CCNB3: variants seen among roughly 807,000 people sequenced by gnomAD.
CCNB3 encodes cyclin B3, also known as G2/mitotic-specific cyclin-B3.
A neutral mutation model predicts 68.0 loss-of-function variants in CCNB3; 12 were observed. The ratio of observed to expected loss-of-function variants is 0.18; its 90% confidence interval spans 0.11 to 0.29. CCNB3 has a LOEUF of 0.29. CCNB3 is among the 10% of genes least tolerant of loss of function. CCNB3 has a pLI of 1.00. For missense variants in CCNB3, 904 were observed against 993.1 expected (o/e 0.91, Z 1.21); for synonymous variants, 354 against 388.9 (o/e 0.91, Z 1.06).
chrX:50,285,714 C>T (rs913181804), intron 3 of CCNB3, among the ~76,000 whole-genome samples: 2 of 111,439 alleles, frequency 1.8e-5, no homozygotes, highest in African/African-American at 3.3e-5. Context: ...ATGTTCTAAC[C>T]TTAGGATATT....
chrX:50,343,374 G>A (rs1421087885), intron 9 of CCNB3, among the ~76,000 whole-genome samples: 2 of 111,668 alleles, frequency 1.8e-5, no homozygotes, highest in Non-Finnish European at 3.8e-5. Flanking sequence ...TTAGCATTAG[G>A]TATGTGTCTT....
chrX:50,329,084 G>A (rs782449716), intron 8 of CCNB3, among the ~76,000 whole-genome samples: 14 of 112,456 alleles, frequency 1.2e-4, no homozygotes, highest in Admixed American at 1.0e-3. Flanking sequence ...AGCCCCGGTA[G>A]CTTCTCTCAT....
Position 50,204,794 on chromosome X carries a change from T to G in CCNB3, c.-269T>G, listed in dbSNP as rs1388170798. The G allele has an allele frequency of 1.9e-5, 2 of 102,615 alleles. No homozygotes were observed. Among genetic ancestry groups the G allele is most frequent in the African/African-American group, 6.8e-5 (2 of 29,366 alleles). The allele number at this position is 102,615 out of a possible 1,213,427, so 8.5% of individuals were successfully genotyped here. A position where few individuals can be genotyped will look rare whatever the true frequency, so the allele number is the denominator to read the frequency against. On this transcript the variant is annotated 5_prime_UTR_variant, in exon 1 of 13. Coordinates refer to ENST00000376042, the MANE Select transcript of CCNB3 (RefSeq NM_033031.3). ...AAGCATTTCCGTCATTCTGAGACAG[T>G]TGGGCTGAGGCGGTTGGTCGCCTCT...
In CCNB3 at chrX:50,312,563, G is replaced by A. The variant is rs1557215210; in HGVS notation, c.3354G>A (p.Glu1118=). 1 of 1,203,547 alleles carries A rather than the reference G, an allele frequency of 8.3e-7. No individual in the cohort carries two copies. The highest frequency in any genetic ancestry group is 1.8e-5 in the African/African-American group (1 of 56,915). Residue 1118 remains glutamate, a synonymous_variant, in exon 7 of 13, where the codon GAG becomes GAA. Coordinates refer to ENST00000376042, the MANE Select transcript of CCNB3 (RefSeq NM_033031.3). ...TAACCCCACGGGAAGATATTGATGAGGACAGCAGTGATCCAAGTTTCAACC... is the reference window on the plus strand; with the variant it reads ...TAACCCCACGGGAAGATATTGATGAAGACAGCAGTGATCCAAGTTTCAACC... ...KEITPREDID[E]DSSDPSFNPM...
intron 5 of CCNB3, among the ~76,000 whole-genome samples, chrX:50,298,343 G>C (rs1270930155): frequency 1.8e-5 from 2 of 111,413 alleles, no homozygotes; most frequent in African/African-American, 6.5e-5. Flanking sequence ...TAGCATGAAG[G>C]GTTGTTGAAT....
intron 8 of CCNB3, among the ~76,000 whole-genome samples, chrX:50,323,283 G>A (rs781865524): frequency 9.0e-5 from 10 of 110,878 alleles, no homozygotes; most frequent in Admixed American, 7.7e-4. Flanking sequence ...CATGGATGAA[G>A]CTGGAAACCA....
intron 1 of CCNB3, among the ~76,000 whole-genome samples, chrX:50,279,742 A>G (rs1290079954): frequency 1.1e-5 from 1 of 90,420 alleles, no homozygotes; most frequent in Non-Finnish European, 2.1e-5. Context: ...ATGATTATGT[A>G]TATTCATATA....
intron 1 of CCNB3, among the ~76,000 whole-genome samples, chrX:50,207,859 C>G (rs1935397451): frequency 9.0e-6 from 1 of 110,986 alleles, no homozygotes; most frequent in Admixed American, 9.6e-5. Flanking sequence ...CAATTTAGAG[C>G]TTTTTTAATC....
chrX:50,344,755 G>T (rs921620035), intron 9 of CCNB3, among the ~76,000 whole-genome samples: 2 of 111,674 alleles, frequency 1.8e-5, no homozygotes, highest in African/African-American at 6.5e-5. Context: ...TGGTCCAGGT[G>T]AAATAGTAAT....
At chrX:50,222,649 T>C (rs1328035614) in intron 1 of CCNB3, among the ~76,000 whole-genome samples, 1 of 111,896 alleles carries the variant, frequency 8.9e-6, no homozygotes, top group Non-Finnish European at 1.9e-5. Flanking sequence ...GTTAGTCTGA[T>C]GGGCTTCTCT....
intron 8 of CCNB3, among the ~76,000 whole-genome samples, chrX:50,340,215 G>A (rs1557219370): frequency 8.9e-6 from 1 of 111,898 alleles, no homozygotes; most frequent in Non-Finnish European, 1.9e-5. Flanking sequence ...CAGTCATTAA[G>A]AGTAACCTAT....
At position 50,308,708 on chromosome X, in the gene CCNB3, A is replaced by G; in HGVS notation, c.539A>G (p.Lys180Arg). The change falls in exon 6 of 13, where the codon AAG becomes AGG. Residue 180 changes from lysine to arginine, a missense_variant. By Grantham distance (26) the Lys-to-Arg change is conservative (BLOSUM62 2). Around this residue, in one of 2 missense-constraint regions of CCNB3, gnomAD observed 619 missense variants for 609.8 expected, o/e 1.02. Coordinates refer to ENST00000376042, the MANE Select transcript of CCNB3 (RefSeq NM_033031.3). The stretch of plus-strand genomic sequence containing the variant: ...ATCAATAAGTCATTATCTTTAAAAA[A>G]GTGCTCAAATCATGAGGAGGTGTCC... ...TLINKSLSLK[K>R]CSNHEEVSLL... The G allele has an allele frequency of 8.3e-7, 1 of 1,211,489 alleles. No homozygotes were observed. Among genetic ancestry groups the G allele is most frequent in the Non-Finnish European group, 1.1e-6 (1 of 895,195 alleles).
chrX:50,326,973 A>C (rs1169301617), intron 8 of CCNB3, among the ~76,000 whole-genome samples: 1 of 111,873 alleles, frequency 8.9e-6, no homozygotes, highest in African/African-American at 3.2e-5. Flanking sequence ...TATAGTTTTG[A>C]TTTATTTGTT....
intron 4 of CCNB3, among the ~76,000 whole-genome samples, chrX:50,294,600 C>G (rs1321393688): frequency 1.8e-5 from 2 of 111,477 alleles, no homozygotes; most frequent in Non-Finnish European, 3.8e-5. Context: ...CATCCTGTAT[C>G]TCTTGGAAAC....
At chrX:50,346,573 C>A in intron 9 of CCNB3, 79 bp from the exon 10 acceptor site, 2 of 1,004,176 alleles carry the variant, frequency 2.0e-6, no homozygotes, top group Non-Finnish European at 1.4e-6. Context: ...CTTCACCCTT[C>A]TCCCTGCTGA....
intron 1 of CCNB3, among the ~76,000 whole-genome samples, chrX:50,208,515 T>C (rs1935414488): frequency 8.9e-6 from 1 of 112,220 alleles, no homozygotes; most frequent in Admixed American, 9.4e-5. Context: ...TAGTTCTCAG[T>C]GTACAAGACA....
chrX:50,326,253 T>A (rs12008309), intron 8 of CCNB3, among the ~76,000 whole-genome samples: 5,967 of 111,523 alleles, frequency 0.054, 368 homozygotes, highest in African/African-American at 0.18. Flanking sequence ...TGATTTTAGT[T>A]AAAATAGTCT....
intron 1 of CCNB3, among the ~76,000 whole-genome samples, chrX:50,226,752 CATATGAATATGTACATAGAATATAT>C (rs1390265838): frequency 3.3e-4 from 25 of 75,554 alleles, no homozygotes; most frequent in South Asian, 1.7e-3. Flanking sequence ...ATAGAATATA[CATATGAATATGTACATAGAATATAT>C]ATATGAATAT....
intron 1 of CCNB3, among the ~76,000 whole-genome samples, chrX:50,220,894 G>A (rs1398433714): frequency 4.5e-5 from 5 of 111,314 alleles, no homozygotes; most frequent in African/African-American, 6.5e-5. Context: ...TTGTGAATCC[G>A]TCTGGTCCTG....
Sources: gnomAD v4.1 joint callset for allele counts (sites outside exome capture counted in the v4.1 genomes callset) on GRCh38, gnomAD v4.1.1 for gene constraint, gnomAD v4.1.1 regional missense constraint, MANE v1.5 for transcripts, NCBI Gene and HGNC (gene_info 2026-07-23, HGNC 2026-07-21) for gene names.